Variants in AFG2A observed in about 807,000 individuals in gnomAD.
AFG2A encodes the protein AAA ATPase AFG2A.
chr4:123,010,931 G>A, the AFG2A span, among the ~76,000 whole-genome samples: 1 of 152,162 alleles, frequency 6.6e-6, no homozygotes, highest in African/African-American at 2.4e-5. Context: ...CAACATTCAG[G>A]GACAAACTTT....
chr4:123,028,986 T>C, the AFG2A span, among the ~76,000 whole-genome samples: 1 of 152,258 alleles, frequency 6.6e-6, no homozygotes, highest in African/African-American at 2.4e-5. Context: ...CATTATGATA[T>C]ATCCAGATAC....
At chr4:123,171,053 G>A in the AFG2A span, among the ~76,000 whole-genome samples, 1 of 152,140 alleles carries the variant, frequency 6.6e-6, no homozygotes, top group South Asian at 2.1e-4. Context: ...AAAACCAGTA[G>A]GATTTCAACC....
the AFG2A span, chr4:122,923,141 C>T: frequency 7.4e-6 from 12 of 1,614,020 alleles, no homozygotes; most frequent in Non-Finnish European, 9.3e-6. Context: ...TACCTTGTGA[C>T]CATGTCTTCC....
the AFG2A span, among the ~76,000 whole-genome samples, chr4:123,131,802 A>G: frequency 6.6e-6 from 1 of 152,158 alleles, no homozygotes; most frequent in Non-Finnish European, 1.5e-5. Context: ...GTGAATATCT[A>G]TTTGAGATCT....
At chr4:123,121,091 G>A in the AFG2A span, among the ~76,000 whole-genome samples, 3 of 151,934 alleles carry the variant, frequency 2.0e-5, no homozygotes, top group Non-Finnish European at 4.4e-5. Flanking sequence ...ATGTGTTTGT[G>A]TCTTCGTTTT....
At chr4:123,196,535 T>G in the AFG2A span, among the ~76,000 whole-genome samples, 2 of 151,620 alleles carry the variant, frequency 1.3e-5, no homozygotes, top group South Asian at 2.1e-4. Context: ...CACAAAACAT[T>G]TTTTTTTTCC....
At chr4:123,202,345 A>G in the AFG2A span, among the ~76,000 whole-genome samples, 9 of 152,192 alleles carry the variant, frequency 5.9e-5, no homozygotes, top group African/African-American at 1.7e-4. Context: ...GGTTTTATGC[A>G]ATGTATATAA....
the AFG2A span, among the ~76,000 whole-genome samples, chr4:123,153,169 A>G: frequency 2.6e-5 from 4 of 152,262 alleles, no homozygotes; most frequent in South Asian, 8.3e-4. Context: ...TGGCTCACCT[A>G]TGTGTCTGGC....
At chr4:123,221,781 G>GCC in the AFG2A span, among the ~76,000 whole-genome samples, 2 of 151,866 alleles carry the variant, frequency 1.3e-5, no homozygotes, top group Non-Finnish European at 2.9e-5. Context: ...AAAAAAATTA[G>GCC]ACAGGCATAG....
At chr4:123,017,960 T>C in the AFG2A span, among the ~76,000 whole-genome samples, 18 of 152,380 alleles carry the variant, frequency 1.2e-4, no homozygotes, top group African/African-American at 4.3e-4. Context: ...TAGTAATTTT[T>C]CTAATGTCTG....
chr4:123,272,809 T>A, the AFG2A span, among the ~76,000 whole-genome samples: 1 of 152,036 alleles, frequency 6.6e-6, no homozygotes, highest in Non-Finnish European at 1.5e-5. Context: ...GAATTTTGAA[T>A]GAAAAAGAGA....
the AFG2A span, among the ~76,000 whole-genome samples, chr4:122,993,097 T>C: frequency 6.6e-6 from 1 of 151,884 alleles, no homozygotes; most frequent in Non-Finnish European, 1.5e-5. Flanking sequence ...GTGATTCTCC[T>C]GCCTCAGCCT....
At chr4:123,203,488 G>T in the AFG2A span, among the ~76,000 whole-genome samples, 1 of 152,128 alleles carries the variant, frequency 6.6e-6, no homozygotes, top group Non-Finnish European at 1.5e-5. Flanking sequence ...GTGTTGGCCA[G>T]GCTGGTCTTG....
chr4:123,013,748 T>G, the AFG2A span, among the ~76,000 whole-genome samples: 1 of 152,206 alleles, frequency 6.6e-6, no homozygotes, highest in African/African-American at 2.4e-5. Context: ...CCTCTGTCAC[T>G]TTTACCCCTT....
At chr4:123,165,484 T>C in the AFG2A span, among the ~76,000 whole-genome samples, 1 of 152,134 alleles carries the variant, frequency 6.6e-6, no homozygotes. Context: ...TTTATGAAAG[T>C]AAATATGTTG....
the AFG2A span, among the ~76,000 whole-genome samples, chr4:122,995,618 G>A: frequency 6.6e-6 from 1 of 152,114 alleles, no homozygotes; most frequent in East Asian, 1.9e-4. Context: ...GTTACTGGAA[G>A]GATCATCAAT....
At chr4:123,037,300 A>G in the AFG2A span, among the ~76,000 whole-genome samples, 1 of 152,096 alleles carries the variant, frequency 6.6e-6, no homozygotes, top group Non-Finnish European at 1.5e-5. Flanking sequence ...CACTAGATTA[A>G]TAGAACAGCT....
At chr4:123,177,192 ATTTTTTT>A in the AFG2A span, among the ~76,000 whole-genome samples, 1 of 130,244 alleles carries the variant, frequency 7.7e-6, no homozygotes. Context: ...GCTTGATTTG[ATTTTTTT>A]TTTTTTTTTT....
chr4:122,945,973 C>G, the AFG2A span, among the ~76,000 whole-genome samples: 1 of 151,970 alleles, frequency 6.6e-6, no homozygotes, highest in South Asian at 2.1e-4. Flanking sequence ...GGAACAGTAC[C>G]TAGGAGTGAT....
Sources: allele counts gnomAD v4.1 joint callset (sites outside exome capture counted in the v4.1 genomes callset), GRCh38; gene constraint gnomAD v4.1.1; transcripts MANE v1.5; gene names NCBI Gene and HGNC (gene_info 2026-07-23, HGNC 2026-07-21).